Variants in SMIM24 observed in about 807,000 individuals in gnomAD.
The protein encoded by SMIM24 is small integral membrane protein 24.
In SMIM24, 6 loss-of-function variants were observed where a neutral mutation model predicts 10.8. The ratio of observed to expected loss-of-function variants is 0.55; its 90% confidence interval spans 0.30 to 1.09. The LOEUF (loss-of-function observed/expected upper bound fraction) is 1.09. SMIM24 is among the 50% of genes least tolerant of loss of function. The probability of loss-of-function intolerance (pLI) is 0.06; values close to 1 mark genes in which losing one functional copy is unlikely to be tolerated. For missense variants in SMIM24, 151 were observed against 153.4 expected (o/e 0.98, Z 0.08); for synonymous variants, 71 against 62.4 (o/e 1.14, Z -0.65).
At chr19:3,480,043 A>T (rs967103685) in intron 1 of SMIM24, among the ~76,000 whole-genome samples, 2 of 148,910 alleles carry the variant, frequency 1.3e-5, no homozygotes, top group African/African-American at 5.0e-5. Flanking sequence ...AAGGAGGAGG[A>T]GTGAGAAGGA....
At chr19:3,477,532 T>A (rs1599750550) in intron 3 of SMIM24, among the ~76,000 whole-genome samples, 1 of 120,164 alleles carries the variant, frequency 8.3e-6, no homozygotes, top group African/African-American at 3.3e-5. Context: ...GATGGATGGG[T>A]GAGTGGGTAG....
chr19:3,478,235 G>A (rs2082801495), intron 3 of SMIM24, among the ~76,000 whole-genome samples, 184 bp downstream of exon 3: 2 of 152,176 alleles, frequency 1.3e-5, no homozygotes, highest in Admixed American at 1.3e-4. Flanking sequence ...CTGGTGGCCA[G>A]GCTGGAAACC....
chr19:3,478,908 G>A lies in SMIM24; in HGVS notation c.89C>T (p.Pro30Leu). 2.6e-6 allele frequency: 4 copies of A among 1,549,974 alleles called. No individual in the cohort carries two copies. The highest frequency in any genetic ancestry group is 1.4e-5 in the African/African-American group (1 of 73,114). Residue 30 changes from proline (P) to leucine (L), a missense_variant, in exon 2 of 4, where the codon CCG becomes CTG. Pro to Leu is a moderately conservative substitution (Grantham distance 98, BLOSUM62 -3). Transcript: ENST00000215531. ...AQQATEHRLK[P>L]WLVGLAAVVG... ...TACCGCAGCCAGGCCCACCAGCCAC[G>A]GCTTCAGGCGATGCTCCGTGGCTGC...
Position 3,478,922 on chromosome 19 carries a change from C to T in SMIM24, c.75G>A (p.Glu25=). The change falls in exon 2 of 4, where the codon GAG becomes GAA. Residue 25 remains glutamate, a synonymous_variant. Coordinates refer to ENST00000215531, the MANE Select transcript of SMIM24 (RefSeq NM_001136503.2). ...CCACCAGCCACGGCTTCAGGCGATGCTCCGTGGCTGCAGGAAGTTGGGGAG... is the reference window on the plus strand; with the variant it reads ...CCACCAGCCACGGCTTCAGGCGATGTTCCGTGGCTGCAGGAAGTTGGGGAG... ...LSPVEAQQAT[E]HRLKPWLVGL... is the part of the protein sequence containing the mutation. 1 of 1,549,606 alleles carries T rather than the reference C, an allele frequency of 6.5e-7. No homozygotes were observed. Among genetic ancestry groups the T allele is most frequent in the Non-Finnish European group, 8.7e-7 (1 of 1,146,516 alleles).
In SMIM24 at chr19:3,477,668, GGGTGGGTGATGGATGGATGGAT is replaced by G. The variant is rs1294216825; in HGVS notation, c.239+729_239+750del. 3.4e-5 allele frequency among the ~76,000 whole-genome samples: 5 copies of G among 147,982 alleles called. No homozygotes were observed. The East Asian group carries it at 1.0e-3, about 30-fold the overall frequency. On this transcript the variant is annotated intron_variant, in intron 3 of 3. Coordinates refer to ENST00000215531, the MANE Select transcript of SMIM24 (RefSeq NM_001136503.2). Reference sequence around the variant, plus strand: ...TGGGTGGATGGGTGAGTGGGTGGATGGGTGGGTGATGGATGGATGGATGGTGGGTGATGGATGGATGGTGGGT... The same window carrying G: ...TGGGTGGATGGGTGAGTGGGTGGATGGGTGGGTGATGGATGGATGGTGGGT...
At chr19:3,475,831 T>C (rs1292538815) in intron 3 of SMIM24, among the ~76,000 whole-genome samples, 3 of 148,468 alleles carry the variant, frequency 2.0e-5, no homozygotes, top group South Asian at 4.3e-4. Flanking sequence ...GGGTGATTGA[T>C]GGATGGTGGA....
intron 3 of SMIM24, among the ~76,000 whole-genome samples, chr19:3,475,732 A>G (rs1392996717): frequency 1.3e-5 from 2 of 151,654 alleles, no homozygotes; most frequent in Admixed American, 1.3e-4. Context: ...GAGTGGGTGG[A>G]TGAATTAATG....
chr19:3,477,436 G>C (rs1471930060), intron 3 of SMIM24, among the ~76,000 whole-genome samples: 2 of 145,338 alleles, frequency 1.4e-5, no homozygotes, highest in African/African-American at 5.1e-5. Flanking sequence ...GAATAGATGG[G>C]TGGGTGGGCA....
At chr19:3,475,994 C>T (rs764913404) in intron 3 of SMIM24, among the ~76,000 whole-genome samples, 55 of 151,616 alleles carry the variant, frequency 3.6e-4, no homozygotes, top group Non-Finnish European at 6.2e-4. Flanking sequence ...TAAATGAATA[C>T]ATTGCAGGAA....
Position 3,474,671 on chromosome 19 carries a change from A to G in SMIM24, c.*172T>C. The G allele has an allele frequency of 2.6e-6, 2 of 769,192 alleles. No individual in the cohort carries two copies. Among genetic ancestry groups the G allele is most frequent in the Non-Finnish European group, 4.0e-6 (2 of 504,954 alleles). The allele number at this position is 769,192 out of a possible 1,614,324, so 47.6% of individuals were successfully genotyped here. A position where few individuals can be genotyped will look rare whatever the true frequency, so the allele number is the denominator to read the frequency against. Reference sequence around the variant, plus strand: ...GGGTGCATGAAAACCATGTTTGCCCAGAGAGCCCCCAATGAGGGAGGTGGG... The same window carrying G: ...GGGTGCATGAAAACCATGTTTGCCCGGAGAGCCCCCAATGAGGGAGGTGGG... On this transcript the variant is annotated 3_prime_UTR_variant, in exon 4 of 4. Transcript: ENST00000215531.
intron 1 of SMIM24, 36 bp downstream of exon 1, chr19:3,480,361 A>G (rs1284169421): frequency 1.6e-6 from 2 of 1,285,508 alleles, no homozygotes; most frequent in Non-Finnish European, 2.1e-6. Flanking sequence ...CAACTCCCCT[A>G]TCCCGCGACG....
Position 3,479,157 on chromosome 19 carries a change from G to T in SMIM24, c.68-228C>A, listed in dbSNP as rs1367221123. The T allele has an allele frequency of 3.9e-5, 18 of 460,130 alleles. No individual in the cohort carries two copies. In the East Asian group the frequency reaches 5.7e-4, roughly 15 times the overall value. The allele number at this position is 460,130 out of a possible 1,614,324, so 28.5% of individuals were successfully genotyped here. On this transcript the variant is annotated intron_variant, in intron 1 of 3. Transcript: ENST00000215531. ...GGAGGGAGCCTGGGGGCCCAGAGAG[G>T]GGAGGGGCTTATAAAAGAAGGGGGG...
At chr19:3,480,070 G>T (rs1365134794) in intron 1 of SMIM24, among the ~76,000 whole-genome samples, 3 of 151,278 alleles carry the variant, frequency 2.0e-5, no homozygotes, top group Non-Finnish European at 4.4e-5. Flanking sequence ...CACAAAAGAG[G>T]CGGGGACTCA....
intron 1 of SMIM24, 28 bp from the exon 2 acceptor site, chr19:3,478,957 A>C: frequency 1.3e-6 from 2 of 1,535,140 alleles, no homozygotes; most frequent in Non-Finnish European, 1.8e-6. Flanking sequence ...GGTTCGACTC[A>C]GAGGAAGAAA....
chr19:3,479,027 G>T (rs1282328048), intron 1 of SMIM24, 98 bp from the exon 2 acceptor site: 2 of 944,250 alleles, frequency 2.1e-6, no homozygotes, highest in Non-Finnish European at 3.2e-6. Context: ...GTCACTGGGG[G>T]TGCTCCGACA....
chr19:3,478,986 C>A, intron 1 of SMIM24, 57 bp from the exon 2 acceptor site: 1 of 1,339,056 alleles, frequency 7.5e-7, no homozygotes. Context: ...AGACCCCCTT[C>A]CCCCACCACC....
intron 1 of SMIM24, among the ~76,000 whole-genome samples, chr19:3,480,052 G>A (rs897883148): frequency 1.3e-5 from 2 of 151,598 alleles, no homozygotes; most frequent in Admixed American, 6.6e-5. Context: ...GAGTGAGAAG[G>A]AGCGGTTCAC....
chr19:3,475,600 T>C (rs1251225496), intron 3 of SMIM24, among the ~76,000 whole-genome samples: 1 of 127,188 alleles, frequency 7.9e-6, no homozygotes, highest in South Asian at 2.4e-4. Flanking sequence ...GGTGGGTGGG[T>C]GGATGGGTGA....
chr19:3,476,629 A>C (rs1321779089), intron 3 of SMIM24, among the ~76,000 whole-genome samples: 3 of 152,180 alleles, frequency 2.0e-5, no homozygotes, highest in Non-Finnish European at 4.4e-5. Context: ...CCTCTCCCTC[A>C]GGCACATCTT....
Sources: allele counts gnomAD v4.1 joint callset (sites outside exome capture counted in the v4.1 genomes callset), GRCh38; gene constraint gnomAD v4.1.1; transcripts MANE v1.5; gene names NCBI Gene and HGNC (gene_info 2026-07-23, HGNC 2026-07-21).